The following TECRL variants were observed in gnomAD, a reference collection of about 807,000 sequenced individuals.
The protein encoded by TECRL is trans-2,3-enoyl-CoA reductase-like.
TECRL carries 63 observed loss-of-function variants against 52.8 expected under a neutral mutation model. The observed-to-expected ratio is 1.19, with a 90% CI of 0.97 to 1.47. TECRL has a LOEUF of 1.47. Among genes scored for constraint, TECRL ranks in the 40% most tolerant of loss-of-function variants. TECRL has a pLI of 0.00. For synonymous variants in TECRL, 164 were observed against 141.9 expected (o/e 1.16, Z -1.10); for missense variants, 482 against 429.6 (o/e 1.12, Z -1.08).
chr4:64,299,620 T>G (rs905620270), intron 8 of TECRL, among the ~76,000 whole-genome samples: 1 of 151,140 alleles, frequency 6.6e-6, no homozygotes, highest in Non-Finnish European at 1.5e-5. Flanking sequence ...TTAACAATTA[T>G]GCCAAAGTGT....
chr4:64,308,811 A>G (rs1388228636), intron 6 of TECRL, among the ~76,000 whole-genome samples: 2 of 152,194 alleles, frequency 1.3e-5, no homozygotes, highest in South Asian at 2.1e-4. Flanking sequence ...TACTAATATT[A>G]ATGGATATTT....
intron 1 of TECRL, among the ~76,000 whole-genome samples, chr4:64,403,742 T>G (rs1578003539): frequency 6.8e-6 from 1 of 146,462 alleles, no homozygotes; most frequent in South Asian, 2.1e-4. Flanking sequence ...AATTCTTATA[T>G]CATGAAACAC....
intron 3 of TECRL, among the ~76,000 whole-genome samples, chr4:64,326,320 G>A (rs2110039810): frequency 6.6e-6 from 1 of 151,976 alleles, no homozygotes; most frequent in East Asian, 1.9e-4. Flanking sequence ...AATAAAGGTA[G>A]GAATATACAA....
intron 6 of TECRL, among the ~76,000 whole-genome samples, chr4:64,308,336 C>T (rs1204479410): frequency 1.3e-5 from 2 of 152,230 alleles, no homozygotes; most frequent in South Asian, 2.1e-4. Flanking sequence ...CTAAATTGAT[C>T]CTGATCCTGA....
intron 2 of TECRL, among the ~76,000 whole-genome samples, chr4:64,338,472 A>T (rs1365895566): frequency 6.6e-6 from 1 of 152,216 alleles, no homozygotes; most frequent in African/African-American, 2.4e-5. Context: ...CAGCAAAATA[A>T]ACTACCATCA....
chr4:64,318,430 T>G, intron 4 of TECRL, among the ~76,000 whole-genome samples: 1 of 152,124 alleles, frequency 6.6e-6, no homozygotes, highest in East Asian at 1.9e-4. Flanking sequence ...GAATAGATAA[T>G]GGTAGCTAAT....
At chr4:64,305,109 T>C in intron 7 of TECRL, 57 bp downstream of exon 7, 2 of 1,250,750 alleles carry the variant, frequency 1.6e-6, no homozygotes, top group Non-Finnish European at 1.1e-6. Context: ...TCATTTAGAA[T>C]AGAGTTTTTA....
chr4:64,355,160 G>T lies in TECRL; in HGVS notation c.286+20012C>A, dbSNP rs566486621. ...GCCTCAAAGGAAACAGAGAAAAGTTGGATAGGTCATTATAAAACAAAGAAG... is the reference window on the plus strand; with the variant it reads ...GCCTCAAAGGAAACAGAGAAAAGTTTGATAGGTCATTATAAAACAAAGAAG... On this transcript the variant is annotated intron_variant, in intron 2 of 11. Coordinates refer to ENST00000381210, the MANE Select transcript of TECRL (RefSeq NM_001010874.5). 5.9e-5 allele frequency among the ~76,000 whole-genome samples: 9 copies of T among 152,174 alleles called. No individual in the cohort carries two copies. In the South Asian group the frequency reaches 1.5e-3, roughly 25 times the overall value.
At chr4:64,294,304 A>G (rs781223504) in intron 8 of TECRL, among the ~76,000 whole-genome samples, 1 of 152,032 alleles carries the variant, frequency 6.6e-6, no homozygotes, top group Non-Finnish European at 1.5e-5. Context: ...GCAATATCTT[A>G]TAATTTTATC....
intron 2 of TECRL, among the ~76,000 whole-genome samples, chr4:64,370,064 T>G (rs1484843467): frequency 6.6e-6 from 1 of 151,858 alleles, no homozygotes; most frequent in African/African-American, 2.4e-5. Context: ...TGATTCTTAC[T>G]GGTATAAAAA....
chr4:64,374,027 T>G lies in TECRL; in HGVS notation c.286+1145A>C, dbSNP rs1194099873. 2.0e-3 allele frequency among the ~76,000 whole-genome samples: 162 copies of G among 82,500 alleles called. 2 individuals carry two copies. The highest frequency in any genetic ancestry group is 6.9e-3 in the African/African-American group (153 of 22,052). The allele number at this position is 82,500 out of a possible 152,430, so 54.1% of individuals were successfully genotyped here. On this transcript the variant is annotated intron_variant, in intron 2 of 11. Coordinates refer to ENST00000381210, the MANE Select transcript of TECRL (RefSeq NM_001010874.5). The stretch of plus-strand genomic sequence containing the variant: ...TATAGTATAGTATATAGTAGATACA[T>G]ATATATATATGTATATAGTAGATAC...
At position 64,374,540 on chromosome 4, in the gene TECRL, T is replaced by A. The variant is rs1269450372; in HGVS notation, c.286+632A>T. On this transcript the variant is annotated intron_variant, in intron 2 of 11. Coordinates refer to ENST00000381210, the MANE Select transcript of TECRL (RefSeq NM_001010874.5). ...CCCGTCATTTAGAATTAGGTATATC[T>A]CCTAATGCTATCCCTCCCCGCTCCC... Among the ~76,000 whole-genome samples, 3 of 152,182 alleles carry A rather than the reference T, an allele frequency of 2.0e-5. No individual in the cohort carries two copies. The South Asian group carries it at 6.2e-4, about 32-fold the overall frequency.
At chr4:64,394,084 G>A (rs762113850) in intron 1 of TECRL, among the ~76,000 whole-genome samples, 1 of 151,662 alleles carries the variant, frequency 6.6e-6, no homozygotes, top group Non-Finnish European at 1.5e-5. Flanking sequence ...TCATTTCTTG[G>A]GCAAAATAAG....
intron 8 of TECRL, among the ~76,000 whole-genome samples, chr4:64,293,997 A>AT (rs905883613): frequency 6.4e-5 from 6 of 93,400 alleles, no homozygotes; most frequent in Non-Finnish European, 1.4e-4. Context: ...ATATATATAT[A>AT]TTTTTTGGAG....
At chr4:64,328,634 G>T in intron 2 of TECRL, 78 bp from the exon 3 acceptor site, 1 of 1,234,766 alleles carries the variant, frequency 8.1e-7, no homozygotes, top group South Asian at 1.3e-5. Context: ...TCCATGGGAA[G>T]ACCATTTAGA....
At chr4:64,355,794 C>CA (rs1161940429) in intron 2 of TECRL, among the ~76,000 whole-genome samples, 1,459 of 119,704 alleles carry the variant, frequency 0.012, 58 homozygotes, top group African/African-American at 0.041. Context: ...GACTCTGTCT[C>CA]AAAAAAAAAA....
chr4:64,317,011 G>A (rs896841336), intron 4 of TECRL, among the ~76,000 whole-genome samples: 1 of 152,154 alleles, frequency 6.6e-6, no homozygotes, highest in African/African-American at 2.4e-5. Flanking sequence ...AGGCGCTGTG[G>A]CTCTCGCCTG....
chr4:64,392,030 T>A (rs1723583164), intron 1 of TECRL, among the ~76,000 whole-genome samples: 1 of 151,920 alleles, frequency 6.6e-6, no homozygotes, highest in Non-Finnish European at 1.5e-5. Context: ...GCTTATTTTC[T>A]ACACATACTG....
intron 2 of TECRL, among the ~76,000 whole-genome samples, chr4:64,335,605 G>A (rs1378125308): frequency 6.6e-6 from 1 of 152,154 alleles, no homozygotes; most frequent in Non-Finnish European, 1.5e-5. Context: ...TGCCAAAAAG[G>A]TTGGGGACTG....
Sources: gnomAD v4.1 joint callset for allele counts (sites outside exome capture counted in the v4.1 genomes callset) on GRCh38, gnomAD v4.1.1 for gene constraint, MANE v1.5 for transcripts, NCBI Gene and HGNC (gene_info 2026-07-23, HGNC 2026-07-21) for gene names.